The following CTNNA2 variants were observed in gnomAD, a reference collection of about 807,000 sequenced individuals.
The protein encoded by CTNNA2 is catenin alpha-2.
In CTNNA2, 42 loss-of-function variants were observed where a neutral mutation model predicts 101.0. The observed-to-expected ratio is 0.42, with a 90% CI of 0.32 to 0.54. The LOEUF (loss-of-function observed/expected upper bound fraction) is 0.54, where lower values mean the gene tolerates loss of function less well. Among genes scored for constraint, CTNNA2 ranks in the 20% least tolerant of loss-of-function variants. CTNNA2 has a pLI of 0.14. For missense variants in CTNNA2, 871 were observed against 1,223.1 expected (o/e 0.71, Z 4.29); for synonymous variants, 450 against 456.4 (o/e 0.99, Z 0.18).
chr2:79,575,170 G>A (rs939955666), intron 1 of CTNNA2, among the ~76,000 whole-genome samples: 4 of 152,106 alleles, frequency 2.6e-5, no homozygotes, highest in Non-Finnish European at 5.9e-5. Context: ...TCCTATGATG[G>A]AATGTAATCT....
chr2:79,474,928 T>C (rs964604442), intron 4 of CTNNA2, among the ~76,000 whole-genome samples: 15 of 152,150 alleles, frequency 9.9e-5, no homozygotes, highest in Admixed American at 2.6e-4. Flanking sequence ...TTCTAGTGGA[T>C]GTGTGTGAGA....
chr2:79,772,470 A>C (rs1238901182), intron 3 of CTNNA2, among the ~76,000 whole-genome samples: 2 of 152,314 alleles, frequency 1.3e-5, no homozygotes, highest in East Asian at 3.9e-4. Flanking sequence ...TCAGAAGTGG[A>C]TGCATGGTCT....
At chr2:79,512,603 C>T (rs1231390828), upstream of CTNNA2, among the ~76,000 whole-genome samples, 2 of 151,556 alleles carry the variant, frequency 1.3e-5, no homozygotes, top group African/African-American at 4.8e-5. Flanking sequence ...GCACCCGGTC[C>T]CTCTCCCCGG....
intron 7 of CTNNA2, among the ~76,000 whole-genome samples, chr2:80,224,205 C>T (rs1298303756): frequency 1.3e-5 from 2 of 152,148 alleles, no homozygotes; most frequent in Non-Finnish European, 2.9e-5. Context: ...CCAAGGAGAC[C>T]CCACACTGCC....
intron 4 of CTNNA2, among the ~76,000 whole-genome samples, chr2:79,377,100 C>T (rs866848623): frequency 3.3e-5 from 5 of 151,600 alleles, no homozygotes; most frequent in Middle Eastern, 3.4e-3. Context: ...ACAGTCCCAC[C>T]AACAGTGTAA....
chr2:79,915,580 G>A (rs1000489145), intron 7 of CTNNA2, among the ~76,000 whole-genome samples: 1 of 152,166 alleles, frequency 6.6e-6, no homozygotes, highest in African/African-American at 2.4e-5. Flanking sequence ...CCTGCTGGCA[G>A]TACAGAGTTC....
intron 2 of CTNNA2, among the ~76,000 whole-genome samples, chr2:79,255,878 C>A (rs766162988): frequency 6.6e-6 from 1 of 152,098 alleles, no homozygotes; most frequent in Non-Finnish European, 1.5e-5. Flanking sequence ...TGGGACCTAA[C>A]GCTCCTCAAA....
chr2:79,928,849 A>G (rs1056203587), intron 7 of CTNNA2, among the ~76,000 whole-genome samples: 2 of 152,258 alleles, frequency 1.3e-5, no homozygotes, highest in Non-Finnish European at 2.9e-5. Flanking sequence ...AATACATGAA[A>G]AAAAATGTTA....
chr2:79,691,695 G>C (rs893225910), intron 2 of CTNNA2, among the ~76,000 whole-genome samples: 7 of 151,926 alleles, frequency 4.6e-5, no homozygotes, highest in Non-Finnish European at 1.0e-4. Flanking sequence ...CAATGGAACA[G>C]AACAGAGGCC....
At chr2:80,311,499 A>G (rs532441348) in intron 7 of CTNNA2, among the ~76,000 whole-genome samples, 3 of 152,228 alleles carry the variant, frequency 2.0e-5, no homozygotes, top group South Asian at 4.1e-4. Context: ...ATTCCATCCT[A>G]TGAAGGCAAT....
intron 4 of CTNNA2, among the ~76,000 whole-genome samples, chr2:79,380,855 C>G (rs1414167740): frequency 6.6e-6 from 1 of 152,162 alleles, no homozygotes; most frequent in African/African-American, 2.4e-5. Flanking sequence ...AAACCCTGCA[C>G]TGCAGTCCAG....
At position 80,386,768 on chromosome 2, in the gene CTNNA2, A is replaced by G. The variant is rs190306428; in HGVS notation, c.1057-6443A>G. Among the ~76,000 whole-genome samples, 433 of 152,336 alleles carry G rather than the reference A, an allele frequency of 2.8e-3. 1 individual carries two copies. The highest frequency in any genetic ancestry group is 9.6e-3 in the African/African-American group (398 of 41,580). ...AATATATTACAGTCACAGCTACATG[A>G]TATTTTGAAGATTCCTTATACATTC... On this transcript the variant is annotated intron_variant, in intron 7 of 18. Transcript: ENST00000402739.
chr2:79,303,432 C>T (rs980272154), intron 2 of CTNNA2, among the ~76,000 whole-genome samples: 3 of 152,142 alleles, frequency 2.0e-5, no homozygotes, highest in African/African-American at 7.2e-5. Flanking sequence ...AATTCCTGCC[C>T]TGCCCTAATG....
chr2:80,552,324 TG>T (rs1247249242), intron 11 of CTNNA2, among the ~76,000 whole-genome samples: 1 of 151,958 alleles, frequency 6.6e-6, no homozygotes, highest in Non-Finnish European at 1.5e-5. Context: ...AATTTGTATT[TG>T]GGGGGGAAGA....
At chr2:80,091,311 G>A (rs1699776149) in intron 7 of CTNNA2, among the ~76,000 whole-genome samples, 1 of 151,926 alleles carries the variant, frequency 6.6e-6, no homozygotes, top group Non-Finnish European at 1.5e-5. Context: ...AAGGTTTAAG[G>A]GCCATTGTCC....
intron 9 of CTNNA2, among the ~76,000 whole-genome samples, chr2:80,494,152 G>C (rs2149521618): frequency 6.6e-6 from 1 of 152,300 alleles, no homozygotes; most frequent in East Asian, 1.9e-4. Context: ...ATTGGAAAGT[G>C]GGAAATTATT....
At chr2:80,246,037 G>A (rs1028897091) in intron 7 of CTNNA2, among the ~76,000 whole-genome samples, 17 of 151,902 alleles carry the variant, frequency 1.1e-4, no homozygotes, top group South Asian at 2.1e-4. Flanking sequence ...CTCGTGATCC[G>A]CCCGCCTGGG....
intron 7 of CTNNA2, among the ~76,000 whole-genome samples, chr2:80,043,109 C>T (rs111336242): frequency 1.2e-3 from 72 of 59,660 alleles, no homozygotes; most frequent in East Asian, 2.8e-3. Context: ...CTCTCTCTCT[C>T]TCTTTCTTTC....
intron 1 of CTNNA2, among the ~76,000 whole-genome samples, chr2:79,193,480 C>G (rs1673902354): frequency 6.6e-6 from 1 of 152,020 alleles, no homozygotes; most frequent in Admixed American, 6.6e-5. Context: ...TATCATGTAC[C>G]CAAAGTATGT....
Sources: gnomAD v4.1 joint callset for allele counts (sites outside exome capture counted in the v4.1 genomes callset) on GRCh38, gnomAD v4.1.1 for gene constraint, MANE v1.5 for transcripts, NCBI Gene and HGNC (gene_info 2026-07-23, HGNC 2026-07-21) for gene names.